The following KCNIP1 variants were observed in gnomAD, a reference collection of about 807,000 sequenced individuals.
KCNIP1 encodes potassium voltage-gated channel interacting protein 1.
Under a neutral mutation model 33.0 loss-of-function variants are expected in KCNIP1, and 18 were observed. The observed-to-expected ratio is 0.55, with a 90% CI of 0.38 to 0.81. KCNIP1 has a LOEUF of 0.81. KCNIP1 is among the 30% of genes least tolerant of loss of function. The pLI, the probability that KCNIP1 is intolerant of heterozygous loss-of-function variation, is 0.00. For missense variants in KCNIP1, 238 were observed against 271.6 expected, an observed-to-expected ratio of 0.88 and a Z score of 0.87; for synonymous variants, 93 against 98.3, an observed-to-expected ratio of 0.95 and a Z score of 0.32.
chr5:170,714,581 G>A (rs1763579600), intron 1 of KCNIP1, among the ~76,000 whole-genome samples: 1 of 152,102 alleles, frequency 6.6e-6, no homozygotes, highest in African/African-American at 2.4e-5. Context: ...TTATAACAGA[G>A]CTAAAAAATT....
intron 1 of KCNIP1, among the ~76,000 whole-genome samples, chr5:170,412,599 A>G (rs1755224322): frequency 6.6e-6 from 1 of 152,204 alleles, no homozygotes; most frequent in Non-Finnish European, 1.5e-5. Flanking sequence ...GAAGAAACAA[A>G]AACAAACAAA....
chr5:170,521,718 C>T (rs1306410841), intron 1 of KCNIP1, among the ~76,000 whole-genome samples: 3 of 152,220 alleles, frequency 2.0e-5, no homozygotes, highest in East Asian at 3.8e-4. Context: ...AAAGATTTAA[C>T]ACTCCTTTGG....
At chr5:170,676,699 G>A (rs1323075355) in intron 1 of KCNIP1, among the ~76,000 whole-genome samples, 1 of 152,182 alleles carries the variant, frequency 6.6e-6, no homozygotes, top group Non-Finnish European at 1.5e-5. Flanking sequence ...GCACATGGAT[G>A]TCACACTGCA....
intron 1 of KCNIP1, chr5:170,485,859 C>G (rs1199315871): frequency 1.3e-5 from 2 of 152,430 alleles, no homozygotes; most frequent in Non-Finnish European, 2.9e-5. Flanking sequence ...CTGCTTTTGC[C>G]CTTCCTCTAG....
intron 1 of KCNIP1, among the ~76,000 whole-genome samples, chr5:170,517,141 T>A (rs1266249359): frequency 1.3e-5 from 2 of 152,178 alleles, no homozygotes; most frequent in African/African-American, 2.4e-5. Context: ...CCAGGAGGCA[T>A]GGCTGGGGAG....
chr5:170,660,386 AC>A (rs1471176151), intron 1 of KCNIP1, among the ~76,000 whole-genome samples: 2 of 149,808 alleles, frequency 1.3e-5, no homozygotes, highest in Non-Finnish European at 3.0e-5. Context: ...AAAAAAAAAA[AC>A]ATTCATTTGT....
chr5:170,370,085 A>G (rs1763802583), intron 1 of KCNIP1, among the ~76,000 whole-genome samples: 1 of 152,204 alleles, frequency 6.6e-6, no homozygotes, highest in Admixed American at 6.5e-5. Context: ...ACCCCTAGAA[A>G]TGAAGCAAGA....
intron 5 of KCNIP1, 140 bp from the exon 6 acceptor site, chr5:170,732,660 T>TC (rs1764245496): frequency 3.5e-6 from 2 of 577,388 alleles, no homozygotes; most frequent in Admixed American, 2.8e-5. Context: ...TGCTTCTAAC[T>TC]CCCTATCACC....
intron 1 of KCNIP1, among the ~76,000 whole-genome samples, chr5:170,619,449 C>G (rs1166802021): frequency 6.6e-6 from 1 of 152,102 alleles, no homozygotes; most frequent in East Asian, 1.9e-4. Flanking sequence ...TTGCCAGGAG[C>G]CTTCAGGTAG....
intron 1 of KCNIP1, among the ~76,000 whole-genome samples, chr5:170,549,836 G>T (rs998121579): frequency 2.0e-5 from 3 of 152,156 alleles, no homozygotes; most frequent in Non-Finnish European, 2.9e-5. Flanking sequence ...GAACTTGGAG[G>T]AGTAATAATT....
chr5:170,614,059 G>T (rs946454415), intron 1 of KCNIP1, among the ~76,000 whole-genome samples: 2 of 152,224 alleles, frequency 1.3e-5, no homozygotes, highest in African/African-American at 4.8e-5. Flanking sequence ...AAACACAATT[G>T]TTGAGGATGT....
At chr5:170,370,794 C>T (rs565867271) in intron 1 of KCNIP1, among the ~76,000 whole-genome samples, 47 of 152,218 alleles carry the variant, frequency 3.1e-4, no homozygotes, top group African/African-American at 9.1e-4. Flanking sequence ...TTCAAACCAG[C>T]GGGGTTCTGG....
chr5:170,722,645 C>T (rs1429468913), intron 4 of KCNIP1, 68 bp from the exon 5 acceptor site: 2 of 1,106,288 alleles, frequency 1.8e-6, no homozygotes, highest in African/African-American at 3.1e-5. Context: ...CAGTCTGACC[C>T]AAAGACACAG....
intron 1 of KCNIP1, among the ~76,000 whole-genome samples, chr5:170,714,011 C>CA (rs1763552094): frequency 6.8e-6 from 1 of 146,786 alleles, no homozygotes; most frequent in Admixed American, 6.8e-5. Context: ...GCAACAAGAG[C>CA]AAAAATCCAT....
In KCNIP1 at chr5:170,387,734, T is replaced by C. The variant is rs116731473; in HGVS notation, c.88+33770T>C. On this transcript the variant is annotated intron_variant, in intron 1 of 7. Coordinates refer to the KCNIP1 transcript ENST00000377360. ...GGGAATGGGAGAGCCCATGCCTTTT[T>C]CTACCTGGCGTCAGTTGAACAAGAC... 2.1e-3 allele frequency among the ~76,000 whole-genome samples: 326 copies of C among 152,354 alleles called. 2 individuals carry two copies. Among genetic ancestry groups the C allele is most frequent in the African/African-American group, 7.5e-3 (310 of 41,586 alleles).
chr5:170,693,092 A>T (rs1413514137), intron 1 of KCNIP1, among the ~76,000 whole-genome samples: 2 of 152,230 alleles, frequency 1.3e-5, no homozygotes, highest in East Asian at 1.9e-4. Context: ...TTTATTGCAG[A>T]GGGAATTGAC....
chr5:170,688,247 A>T (rs1354493555), intron 1 of KCNIP1, among the ~76,000 whole-genome samples: 1 of 152,212 alleles, frequency 6.6e-6, no homozygotes, highest in African/African-American at 2.4e-5. Flanking sequence ...TCCAGACCTC[A>T]GGCTCTATTA....
At chr5:170,537,120 A>C (rs1460939928) in intron 1 of KCNIP1, among the ~76,000 whole-genome samples, 1 of 152,124 alleles carries the variant, frequency 6.6e-6, no homozygotes, top group East Asian at 1.9e-4. Context: ...GGTGGCTCAG[A>C]GAGGTAGCAG....
chr5:170,524,194 C>T (rs527784739), intron 1 of KCNIP1, among the ~76,000 whole-genome samples: 2 of 152,306 alleles, frequency 1.3e-5, no homozygotes, highest in East Asian at 3.9e-4. Flanking sequence ...TTCCTTCACT[C>T]TCAGCACCAA....
Sources: gnomAD v4.1 joint callset for allele counts (sites outside exome capture counted in the v4.1 genomes callset) on GRCh38, gnomAD v4.1.1 for gene constraint, MANE v1.5 for transcripts, NCBI Gene and HGNC (gene_info 2026-07-23, HGNC 2026-07-21) for gene names.